Variants in IPPK observed in about 807,000 individuals in gnomAD.
The protein encoded by IPPK is IPK1 homolog.
A neutral mutation model predicts 64.6 loss-of-function variants in IPPK; 22 were observed. The observed-to-expected ratio is 0.34, with a 90% CI of 0.24 to 0.49. The LOEUF (loss-of-function observed/expected upper bound fraction) is 0.49. IPPK is among the 20% of genes least tolerant of loss of function. The probability of loss-of-function intolerance (pLI) is 0.99; values close to 1 mark genes in which losing one functional copy is unlikely to be tolerated. For missense variants in IPPK, 532 were observed against 630.7 expected (o/e 0.84, Z 1.68); for synonymous variants, 262 against 247.2 (o/e 1.06, Z -0.56).
chr9:92,645,513 T>G (rs890932973), intron 6 of IPPK, among the ~76,000 whole-genome samples: 2 of 93,064 alleles, frequency 2.1e-5, no homozygotes, highest in African/African-American at 4.3e-5. Flanking sequence ...GATTGAATTT[T>G]AGGATAAAGA....
At chr9:92,634,875 T>C (rs1479887719) in intron 10 of IPPK, among the ~76,000 whole-genome samples, 2 of 152,204 alleles carry the variant, frequency 1.3e-5, no homozygotes, top group African/African-American at 4.8e-5. Context: ...TGCTCAGCTG[T>C]GGAGCAACAC....
intron 1 of IPPK, among the ~76,000 whole-genome samples, chr9:92,663,223 G>A (rs1852523732): frequency 6.6e-6 from 1 of 152,212 alleles, no homozygotes; most frequent in South Asian, 2.1e-4. Flanking sequence ...TGTCCCATAG[G>A]ATTATAATAC....
chr9:92,637,639 T>C (rs754041883), intron 9 of IPPK, among the ~76,000 whole-genome samples: 3 of 152,146 alleles, frequency 2.0e-5, no homozygotes, highest in Non-Finnish European at 4.4e-5. Context: ...TCTCTCTGTC[T>C]AAGGAACAAG....
intron 8 of IPPK, among the ~76,000 whole-genome samples, chr9:92,639,214 A>AT (rs897993663): frequency 5.9e-5 from 9 of 151,788 alleles, no homozygotes; most frequent in African/African-American, 1.9e-4. Flanking sequence ...ACACCCAGCA[A>AT]TTTTTTTGAT....
In IPPK at chr9:92,615,849, C is replaced by T. The variant is rs1380586300; in HGVS notation, c.1459G>A (p.Val487Ile). 87 of 1,613,410 alleles carry T rather than the reference C, an allele frequency of 5.4e-5. No individual in the cohort carries two copies. The highest frequency in any genetic ancestry group is 6.9e-5 in the Non-Finnish European group (81 of 1,179,476). ...GGAAAGAGTTAGACCTTGTGGAGAACTAATGTGCAATCTTCGCTTTCCTTG... is the reference window on the plus strand; with the variant it reads ...GGAAAGAGTTAGACCTTGTGGAGAATTAATGTGCAATCTTCGCTTTCCTTG... ...RFKESEDCTL[V>I]LHKV The change falls in exon 13 of 13, where the codon GTT (valine) becomes ATT (isoleucine). Residue 487 changes from valine to isoleucine, a missense_variant. Val to Ile is a conservative substitution (Grantham distance 29). Coordinates refer to ENST00000287996, the MANE Select transcript of IPPK (RefSeq NM_022755.6).
intron 11 of IPPK, among the ~76,000 whole-genome samples, chr9:92,631,380 G>A (rs927501448): frequency 6.6e-6 from 1 of 152,022 alleles, no homozygotes; most frequent in Non-Finnish European, 1.5e-5. Context: ...ATTTTTAGTA[G>A]AGACAGAGTT....
chr9:92,649,741 G>A (rs112839114), intron 4 of IPPK, among the ~76,000 whole-genome samples, 167 bp from the exon 5 acceptor site: 12 of 152,242 alleles, frequency 7.9e-5, no homozygotes, highest in African/African-American at 2.9e-4. Context: ...TAACAACGTG[G>A]TTTAGGCCAG....
intron 11 of IPPK, among the ~76,000 whole-genome samples, chr9:92,633,205 G>C (rs934865395): frequency 6.6e-6 from 1 of 151,818 alleles, no homozygotes; most frequent in Non-Finnish European, 1.5e-5. Flanking sequence ...TAGAGGTGGG[G>C]TTTGACCATG....
chr9:92,652,231 C>G (rs1004286461), intron 4 of IPPK, among the ~76,000 whole-genome samples: 1 of 151,890 alleles, frequency 6.6e-6, no homozygotes, highest in Non-Finnish European at 1.5e-5. Flanking sequence ...GGGTGGATCA[C>G]GAGGTCAGGA....
chr9:92,630,822 C>T (rs1335056394), intron 11 of IPPK, among the ~76,000 whole-genome samples: 1 of 152,132 alleles, frequency 6.6e-6, no homozygotes, highest in African/African-American at 2.4e-5. Context: ...TCAAATTGGA[C>T]AAGACACCAC....
Position 92,613,260 on chromosome 9 carries a change from C to T in IPPK, c.*2572G>A. On this transcript the variant is annotated 3_prime_UTR_variant, in exon 13 of 13. Transcript: ENST00000287996. ...TTAGAAACCACACCCTGAAGACGTG[C>T]TGTCTATGCAGTTATGGCACATTAT... The T allele has an allele frequency of 7.8e-7, 1 of 1,278,278 alleles. No homozygotes were observed. The highest frequency in any genetic ancestry group is 1.1e-6 in the Non-Finnish European group (1 of 893,254). The allele number at this position is 1,278,278 out of a possible 1,614,324, so 79.2% of individuals were successfully genotyped here. A position where few individuals can be genotyped will look rare whatever the true frequency, so the allele number is the denominator to read the frequency against.
chr9:92,628,519 A>G (rs926489855), intron 11 of IPPK, among the ~76,000 whole-genome samples: 1 of 152,244 alleles, frequency 6.6e-6, no homozygotes, highest in African/African-American at 2.4e-5. Context: ...CCATACATCT[A>G]TGGTCAACTG....
At chr9:92,636,366 G>A (rs1477818826) in intron 9 of IPPK, among the ~76,000 whole-genome samples, 2 of 152,208 alleles carry the variant, frequency 1.3e-5, no homozygotes, top group Non-Finnish European at 2.9e-5. Context: ...TCCAGGCGCC[G>A]TGGCTTACGC....
chr9:92,645,395 A>AG (rs1852131689), intron 6 of IPPK, among the ~76,000 whole-genome samples: 1 of 152,118 alleles, frequency 6.6e-6, no homozygotes, highest in African/African-American at 2.4e-5. Flanking sequence ...CTGTCTAAAA[A>AG]GAAAAAAAAA....
At chr9:92,659,591 G>A (rs945972534) in intron 1 of IPPK, among the ~76,000 whole-genome samples, 7 of 152,082 alleles carry the variant, frequency 4.6e-5, no homozygotes, top group East Asian at 3.9e-4. Flanking sequence ...GGGCTCTAAC[G>A]GCAGTGCAAA....
Position 92,635,495 on chromosome 9 carries a change from T to C in IPPK, c.917-187A>G, listed in dbSNP as rs1392865961. ...TGACGCTCCCGCCTCACAGAGCTGC[T>C]GGAGCTGCAGCGTGCCTGGACCACA... On this transcript the variant is annotated intron_variant, in intron 9 of 12. Transcript: ENST00000287996. The surrounding 1 kb of genome is among the most constrained non-coding windows in gnomAD (Gnocchi z 4.4). Among the ~76,000 whole-genome samples the C allele has an allele frequency of 2.0e-5, 3 of 152,190 alleles. No individual in the cohort carries two copies. The highest frequency in any genetic ancestry group is 4.4e-5 in the Non-Finnish European group (3 of 68,028).
chr9:92,670,046 C>G lies in IPPK; in HGVS notation c.-58G>C. 1 of 1,299,046 alleles carries G rather than the reference C, an allele frequency of 7.7e-7. No individual in the cohort carries two copies. The highest frequency in any genetic ancestry group is 1.1e-6 in the Non-Finnish European group (1 of 933,582). The allele number at this position is 1,299,046 out of a possible 1,614,324, so 80.5% of individuals were successfully genotyped here. ...GGACTCGGGGACGCGAGCTGGGGGC[C>G]GCCCGCCTCGCTGGGAACCAGCCGC... On this transcript the variant is annotated 5_prime_UTR_variant, in exon 1 of 13. Coordinates refer to ENST00000287996, the MANE Select transcript of IPPK (RefSeq NM_022755.6).
intron 6 of IPPK, among the ~76,000 whole-genome samples, chr9:92,645,979 A>G (rs1852143326): frequency 1.3e-5 from 2 of 152,172 alleles, no homozygotes; most frequent in Admixed American, 6.5e-5. Flanking sequence ...GTATAAACAC[A>G]TTTTGTAATT....
At chr9:92,648,261 T>A in intron 5 of IPPK, 113 bp from the exon 6 acceptor site, 1 of 777,408 alleles carries the variant, frequency 1.3e-6, no homozygotes, top group Non-Finnish European at 2.1e-6. Context: ...TAGGCATAAA[T>A]GGCCCCAGAA....
Sources: allele counts gnomAD v4.1 joint callset (sites outside exome capture counted in the v4.1 genomes callset), GRCh38; gene constraint gnomAD v4.1.1; non-coding constraint Gnocchi (gnomAD v3.1); transcripts MANE v1.5; gene names NCBI Gene and HGNC (gene_info 2026-07-23, HGNC 2026-07-21).